Variants in SPOPL observed in about 807,000 individuals in gnomAD.
SPOPL encodes speckle type BTB/POZ protein like.
SPOPL carries 23 observed loss-of-function variants against 53.8 expected under a neutral mutation model. The observed-to-expected ratio is 0.43, with a 90% confidence interval of 0.31 to 0.61. SPOPL has a LOEUF of 0.61. Among genes scored for constraint, SPOPL ranks in the 20% least tolerant of loss-of-function variants. The pLI is 0.12. For missense variants in SPOPL, 442 were observed against 466.9 expected, an observed-to-expected ratio of 0.95 and a Z score of 0.49; for synonymous variants, 164 against 149.7, an observed-to-expected ratio of 1.10 and a Z score of -0.70.
chr2:138,540,201 T>C (rs1297511349), intron 1 of SPOPL, among the ~76,000 whole-genome samples: 2 of 152,224 alleles, frequency 1.3e-5, no homozygotes, highest in African/African-American at 4.8e-5. Flanking sequence ...GTTTGTTCTT[T>C]TGGCTTAGGA....
At chr2:138,552,246 C>A (rs1228124883) in intron 4 of SPOPL, among the ~76,000 whole-genome samples, 1 of 151,928 alleles carries the variant, frequency 6.6e-6, no homozygotes, top group Non-Finnish European at 1.5e-5. Flanking sequence ...TCTTTTAGGG[C>A]CAATCTTAGA....
chr2:138,541,479 T>C (rs1396144712), intron 1 of SPOPL, among the ~76,000 whole-genome samples: 2 of 152,214 alleles, frequency 1.3e-5, no homozygotes, highest in Non-Finnish European at 2.9e-5. Context: ...TGGGAGGGTG[T>C]ATGTGTTGAG....
intron 1 of SPOPL, among the ~76,000 whole-genome samples, chr2:138,522,335 G>A (rs1264266094): frequency 1.3e-5 from 2 of 152,116 alleles, no homozygotes; most frequent in African/African-American, 4.8e-5. Context: ...ACTTTGAAGG[G>A]AGGTTGCCTT....
At position 138,526,701 on chromosome 2, in the gene SPOPL, G is replaced by C. The variant is rs1267751828; in HGVS notation, c.-60-23456G>C. Among the ~76,000 whole-genome samples the C allele has an allele frequency of 3.3e-5, 5 of 150,900 alleles. No individual in the cohort carries two copies. The East Asian group carries it at 9.7e-4, about 29-fold the overall frequency. On this transcript the variant is annotated intron_variant, in intron 1 of 10. Coordinates refer to ENST00000280098, the MANE Select transcript of SPOPL (RefSeq NM_001001664.3). ...GTTGTCTGAAAATGTCCTTTATTTG[G>C]TCCTCATTCTTAAATAGAGTATGGA...
chr2:138,552,677 G>C lies in SPOPL; in HGVS notation c.476G>C (p.Cys159Ser), dbSNP rs1435299212. 1 of 1,611,612 alleles carries C rather than the reference G, an allele frequency of 6.2e-7. No individual in the cohort carries two copies. The highest frequency in any genetic ancestry group is 8.5e-7 in the Non-Finnish European group (1 of 1,178,814). ...LLPDDKLTLF[C>S]EVSVVQDSVN... ...CCAGATGACAAGCTTACATTATTTT[G>C]TGAGGTGGGTACATCTTTTATTCTA... Residue 159 changes from cysteine (C) to serine (S), a missense_variant, in exon 5 of 11, where the codon TGT (cysteine) becomes TCT (serine). By Grantham distance (112) the Cys-to-Ser change is moderately radical. Coordinates refer to ENST00000280098, the MANE Select transcript of SPOPL (RefSeq NM_001001664.3).
Position 138,556,546 on chromosome 2 carries a change from C to T in SPOPL, c.481-2476C>T, listed in dbSNP as rs548462237. Among the ~76,000 whole-genome samples the T allele has an allele frequency of 7.9e-5, 12 of 152,280 alleles. No homozygotes were observed. In the South Asian group the frequency reaches 1.0e-3, roughly 13 times the overall value. ...TAGGGTCTAAAGACCTGATCCCTTA[C>T]GAAACCTTGAATATTAACACCAACA... On this transcript the variant is annotated intron_variant, in intron 5 of 10. Transcript: ENST00000280098.
intron 1 of SPOPL, among the ~76,000 whole-genome samples, chr2:138,505,496 C>T (rs1351014464): frequency 6.7e-6 from 1 of 149,138 alleles, no homozygotes; most frequent in Non-Finnish European, 1.5e-5. Flanking sequence ...TTGGCTCATA[C>T]CTATAATCCC....
chr2:138,505,595 A>T (rs1305103574), intron 1 of SPOPL, among the ~76,000 whole-genome samples: 1 of 36,676 alleles, frequency 2.7e-5, no homozygotes, highest in African/African-American at 9.4e-5. Flanking sequence ...TGTCTCTTCT[A>T]AAAAAAAAAA....
chr2:138,564,731 C>T lies in SPOPL; in HGVS notation c.861C>T (p.Val287=). Residue 287 remains valine, a synonymous_variant, in exon 9 of 11, where the codon GTC becomes GTT. Coordinates refer to ENST00000280098, the MANE Select transcript of SPOPL (RefSeq NM_001001664.3). ...ADKYALERLK[V]MCEEALCSNL... ...AGTATGCACTGGAACGGCTGAAGGT[C>T]ATGTGCGAAGAAGCTTTGTGTAGTA... The T allele has an allele frequency of 1.9e-6, 3 of 1,614,144 alleles. No individual in the cohort carries two copies. The highest frequency in any genetic ancestry group is 2.5e-6 in the Non-Finnish European group (3 of 1,180,010).
At chr2:138,541,631 T>C (rs1030387696) in intron 1 of SPOPL, among the ~76,000 whole-genome samples, 2 of 152,218 alleles carry the variant, frequency 1.3e-5, no homozygotes, top group African/African-American at 4.8e-5. Context: ...TCTTCTCTCT[T>C]CTTTATTAGT....
chr2:138,517,537 G>A (rs1684464699), intron 1 of SPOPL, among the ~76,000 whole-genome samples: 2 of 151,418 alleles, frequency 1.3e-5, no homozygotes, highest in Admixed American at 6.6e-5. Context: ...TCAGGAGATC[G>A]AGACCATCCT....
At chr2:138,567,013 G>T (rs1685674347) in intron 10 of SPOPL, among the ~76,000 whole-genome samples, 1 of 152,156 alleles carries the variant, frequency 6.6e-6, no homozygotes, top group Non-Finnish European at 1.5e-5. Context: ...AGTAGTAGTT[G>T]ATCATTCATT....
intron 1 of SPOPL, among the ~76,000 whole-genome samples, chr2:138,530,118 C>G (rs576026690): frequency 6.6e-6 from 1 of 152,202 alleles, no homozygotes; most frequent in East Asian, 1.9e-4. Flanking sequence ...TAATGGCCTC[C>G]AGCTCTATCC....
intron 1 of SPOPL, among the ~76,000 whole-genome samples, chr2:138,504,426 G>A (rs546776546): frequency 6.6e-6 from 1 of 152,226 alleles, no homozygotes; most frequent in African/African-American, 2.4e-5. Context: ...TATATAAACA[G>A]GGCAGGTTGA....
In SPOPL at chr2:138,552,557, G is replaced by C. The variant is rs764574491; in HGVS notation, c.356G>C (p.Ser119Thr). 1 of 1,607,974 alleles carries C rather than the reference G, an allele frequency of 6.2e-7. No individual in the cohort carries two copies. Among genetic ancestry groups the C allele is most frequent in the Admixed American group, 1.7e-5 (1 of 58,694 alleles). ...AKREETKAME[S>T]QRAYRFVQGK... ...ACTCTATTCTGTTTTCCACCAGAAAGCCAAAGAGCATATCGATTTGTGCAA... is the reference window on the plus strand; with the variant it reads ...ACTCTATTCTGTTTTCCACCAGAAACCCAAAGAGCATATCGATTTGTGCAA... Residue 119 changes from serine to threonine, a missense_variant, in exon 5 of 11, where the codon AGC becomes ACC. Transcript: ENST00000280098.
At position 138,571,185 on chromosome 2, in the gene SPOPL, A is replaced by G. The variant is rs1685772667; in HGVS notation, c.*2105A>G. ...AAGAAAACAAAAATTCCCTCAGGCT[A>G]TAGAATTATGTTGTCATATATCAGA... is the stretch of plus-strand genomic sequence containing the variant. On this transcript the variant is annotated 3_prime_UTR_variant, in exon 11 of 11. Transcript: ENST00000280098. 2 of 152,382 alleles carry G rather than the reference A, an allele frequency of 1.3e-5. No individual in the cohort carries two copies. Among genetic ancestry groups the G allele is most frequent in the South Asian group, 2.1e-4 (1 of 4,830 alleles). The allele number at this position is 152,382 out of a possible 1,614,324, so 9.4% of individuals were successfully genotyped here. A position where few individuals can be genotyped will look rare whatever the true frequency, so the allele number is the denominator to read the frequency against.
chr2:138,506,950 G>A (rs1438348783), intron 1 of SPOPL, among the ~76,000 whole-genome samples: 1 of 152,160 alleles, frequency 6.6e-6, no homozygotes, highest in African/African-American at 2.4e-5. Flanking sequence ...AACAAAAGAG[G>A]CTGAGAAGGA....
chr2:138,560,032 A>T (rs1468296922), intron 7 of SPOPL, among the ~76,000 whole-genome samples: 1 of 152,212 alleles, frequency 6.6e-6, no homozygotes, highest in Non-Finnish European at 1.5e-5. Flanking sequence ...GGGAGACATC[A>T]ATGATGTCAT....
chr2:138,543,139 C>T (rs539648633), intron 1 of SPOPL, among the ~76,000 whole-genome samples: 5 of 152,266 alleles, frequency 3.3e-5, no homozygotes, highest in Admixed American at 2.6e-4. Context: ...TTGTGGGTAA[C>T]CTGACCTTTC....
Sources: gnomAD v4.1 joint callset for allele counts (sites outside exome capture counted in the v4.1 genomes callset) on GRCh38, gnomAD v4.1.1 for gene constraint, MANE v1.5 for transcripts, NCBI Gene and HGNC (gene_info 2026-07-23, HGNC 2026-07-21) for gene names.